CDC73: variants seen among roughly 807,000 people sequenced by gnomAD.
CDC73 encodes the protein parafibromin.
In CDC73, 21 loss-of-function variants were observed where a neutral mutation model predicts 83.7. The observed-to-expected ratio is 0.25, with a 90% CI of 0.18 to 0.36. CDC73 has a LOEUF of 0.36. CDC73 is among the 10% of genes least tolerant of loss of function. The pLI is 1.00. For synonymous variants in CDC73, 224 were observed against 212.9 expected (o/e 1.05, Z -0.45); for missense variants, 342 against 653.3 (o/e 0.52, Z 5.19).
intron 11 of CDC73, among the ~76,000 whole-genome samples, chr1:193,208,481 A>G (rs901421324): frequency 3.9e-5 from 6 of 152,234 alleles, no homozygotes; most frequent in African/African-American, 1.2e-4. Context: ...ATTTAAAACA[A>G]AAACTCAACC....
chr1:193,211,111 G>A (rs772874910), intron 11 of CDC73, among the ~76,000 whole-genome samples: 2 of 152,034 alleles, frequency 1.3e-5, no homozygotes, highest in Non-Finnish European at 2.9e-5. Context: ...TCAGTGCCTG[G>A]CATTGTAATA....
intron 6 of CDC73, among the ~76,000 whole-genome samples, chr1:193,138,920 G>A (rs370411839): frequency 6.6e-6 from 1 of 151,470 alleles, no homozygotes; most frequent in African/African-American, 2.4e-5. Flanking sequence ...GATTACAGGC[G>A]CCTGCCACCA....
chr1:193,212,018 A>T (rs376031970), intron 11 of CDC73, 47 bp from the exon 12 acceptor site: 1 of 1,426,540 alleles, frequency 7.0e-7, no homozygotes, highest in Non-Finnish European at 9.7e-7. Flanking sequence ...GAAAATAAGA[A>T]TATGGTTTTT....
At chr1:193,211,931 T>TA (rs1472925508) in intron 11 of CDC73, 134 bp from the exon 12 acceptor site, 1 of 682,978 alleles carries the variant, frequency 1.5e-6, no homozygotes, top group Non-Finnish European at 2.6e-6. Context: ...AAGATAGTTG[T>TA]AAAAAAAGTC....
At position 193,251,003 on chromosome 1, in the gene CDC73, G is replaced by T. The variant is rs969988680; in HGVS notation, c.*291G>T. On this transcript the variant is annotated 3_prime_UTR_variant, in exon 17 of 17. Coordinates refer to ENST00000367435, the MANE Select transcript of CDC73 (RefSeq NM_024529.5). ...TTGTTTCTTTAGAAAATAAATGCAGGTTATAAATGTGTGTATATTTAGAGA... is the reference window on the plus strand; with the variant it reads ...TTGTTTCTTTAGAAAATAAATGCAGTTTATAAATGTGTGTATATTTAGAGA... 3.8e-5 allele frequency: 16 copies of T among 418,928 alleles called. No individual in the cohort carries two copies. Among genetic ancestry groups the T allele is most frequent in the Middle Eastern group, 6.6e-4 (1 of 1,514 alleles). 26.0% of individuals were successfully genotyped at this position (418,928 alleles called of 1,614,324 possible).
intron 10 of CDC73, among the ~76,000 whole-genome samples, chr1:193,198,422 C>A (rs1396550599): frequency 2.6e-5 from 4 of 152,176 alleles, no homozygotes; most frequent in African/African-American, 2.4e-5. Context: ...TTTTGCCCTT[C>A]CACCTTCCAC....
At chr1:193,204,253 ATG>A (rs370382322) in intron 11 of CDC73, among the ~76,000 whole-genome samples, 51 of 123,778 alleles carry the variant, frequency 4.1e-4, no homozygotes, top group East Asian at 9.0e-4. Flanking sequence ...ATATATGTGT[ATG>A]TGTGTGTGTG....
At chr1:193,156,361 G>A (rs993495723) in intron 10 of CDC73, among the ~76,000 whole-genome samples, 3 of 152,060 alleles carry the variant, frequency 2.0e-5, no homozygotes, top group South Asian at 2.1e-4. Context: ...TCATTTTTGC[G>A]GAAGCATCTC....
At chr1:193,211,057 C>T (rs913053312) in intron 11 of CDC73, among the ~76,000 whole-genome samples, 11 of 152,088 alleles carry the variant, frequency 7.2e-5, no homozygotes, top group African/African-American at 2.7e-4. Flanking sequence ...TTGTCTCGCT[C>T]TTCTCTTTTT....
intron 11 of CDC73, among the ~76,000 whole-genome samples, chr1:193,210,664 G>A (rs1677263138): frequency 6.6e-6 from 1 of 152,020 alleles, no homozygotes; most frequent in Non-Finnish European, 1.5e-5. Context: ...TGAGGTGGGA[G>A]GATAGCTTGA....
At chr1:193,171,142 G>A (rs1676511835) in intron 10 of CDC73, among the ~76,000 whole-genome samples, 1 of 152,220 alleles carries the variant, frequency 6.6e-6, no homozygotes, top group Non-Finnish European at 1.5e-5. Flanking sequence ...ACTGCACATG[G>A]TTGAGTCTGT....
intron 15 of CDC73, among the ~76,000 whole-genome samples, chr1:193,237,817 C>T (rs929396153): frequency 2.0e-5 from 3 of 152,116 alleles, no homozygotes; most frequent in Admixed American, 6.5e-5. Flanking sequence ...CCTGTGTCTG[C>T]GTACATTTTC....
At chr1:193,195,354 A>G (rs746917440) in intron 10 of CDC73, among the ~76,000 whole-genome samples, 15 of 152,198 alleles carry the variant, frequency 9.9e-5, no homozygotes, top group Non-Finnish European at 2.1e-4. Flanking sequence ...TTTTAAGGCT[A>G]AATGACATCC....
At chr1:193,188,556 GTACCAACA>G (rs1470643701) in intron 10 of CDC73, among the ~76,000 whole-genome samples, 2 of 151,814 alleles carry the variant, frequency 1.3e-5, no homozygotes, top group African/African-American at 4.8e-5. Context: ...TAACTACTGT[GTACCAACA>G]TGTGCATTTA....
chr1:193,204,234 T>C (rs1219393290), intron 11 of CDC73, among the ~76,000 whole-genome samples: 19 of 141,472 alleles, frequency 1.3e-4, no homozygotes, highest in Non-Finnish European at 2.6e-4. Context: ...TATGTATATA[T>C]ACACGTATAT....
chr1:193,129,623 C>G (rs980590215), intron 2 of CDC73, among the ~76,000 whole-genome samples: 1 of 151,874 alleles, frequency 6.6e-6, no homozygotes, highest in Non-Finnish European at 1.5e-5. Flanking sequence ...AGTGATTCTC[C>G]TGCCTCAGCT....
chr1:193,173,451 T>C (rs1030658554), intron 10 of CDC73, among the ~76,000 whole-genome samples: 3 of 152,196 alleles, frequency 2.0e-5, no homozygotes, highest in Non-Finnish European at 2.9e-5. Flanking sequence ...CTCTTAAACA[T>C]ATGGACATCT....
At chr1:193,155,568 A>G (rs1158729475) in intron 10 of CDC73, among the ~76,000 whole-genome samples, 1 of 152,208 alleles carries the variant, frequency 6.6e-6, no homozygotes, top group Non-Finnish European at 1.5e-5. Context: ...ACTTGAAGCC[A>G]GGAGTTCAAG....
At chr1:193,206,316 T>C (rs893112664) in intron 11 of CDC73, among the ~76,000 whole-genome samples, 15 of 152,192 alleles carry the variant, frequency 9.9e-5, no homozygotes, top group African/African-American at 3.4e-4. Flanking sequence ...ACCTCAGATA[T>C]TCTAATGCTC....
Sources: gnomAD v4.1 joint callset for allele counts (sites outside exome capture counted in the v4.1 genomes callset) on GRCh38, gnomAD v4.1.1 for gene constraint, MANE v1.5 for transcripts, NCBI Gene and HGNC (gene_info 2026-07-23, HGNC 2026-07-21) for gene names.